ANO1: variants seen among roughly 807,000 people sequenced by gnomAD.
The protein encoded by ANO1 is anoctamin 1, also known as anoctamin-1.
In ANO1, 59 loss-of-function variants were observed where a neutral mutation model predicts 124.0. That is an observed-to-expected ratio of 0.48 (90% CI 0.39 to 0.59). The LOEUF is 0.59. Among genes scored for constraint, ANO1 ranks in the 20% least tolerant of loss-of-function variants. The pLI is 0.00. For synonymous variants in ANO1, 529 were observed against 532.0 expected, an observed-to-expected ratio of 0.99 and a Z score of 0.08; for missense variants, 1,059 against 1,328.0, an observed-to-expected ratio of 0.80 and a Z score of 3.15.
chr11:70,024,330 C>A (rs1591041042), intron 1 of ANO1, among the ~76,000 whole-genome samples: 2 of 152,160 alleles, frequency 1.3e-5, no homozygotes, highest in African/African-American at 4.8e-5. Flanking sequence ...GACACATAGC[C>A]CATAAACCAC....
chr11:70,068,031 G>C (rs1156960831), intron 1 of ANO1, among the ~76,000 whole-genome samples: 2 of 152,210 alleles, frequency 1.3e-5, no homozygotes, highest in African/African-American at 2.4e-5. Context: ...CTGTGGAGGG[G>C]ACACGCTCCT....
At chr11:70,030,815 G>T (rs1856987001) in intron 1 of ANO1, among the ~76,000 whole-genome samples, 1 of 152,206 alleles carries the variant, frequency 6.6e-6, no homozygotes, top group African/African-American at 2.4e-5. Context: ...CCAATATCCA[G>T]TCGATGGCCA....
chr11:70,095,403 AAAGAAAGAAAGAAAGAAAG>A (rs1336751708), intron 2 of ANO1, among the ~76,000 whole-genome samples: 2 of 43,846 alleles, frequency 4.6e-5, no homozygotes, highest in Non-Finnish European at 1.3e-4. Flanking sequence ...AGAAAGAAAG[AAAGAAAGAAAGAAAGAAAG>A]AAAGAAAAGA....
intron 1 of ANO1, among the ~76,000 whole-genome samples, chr11:70,054,597 G>T (rs1857405004): frequency 6.6e-6 from 1 of 152,244 alleles, no homozygotes; most frequent in African/African-American, 2.4e-5. Flanking sequence ...TTGCTAGCTT[G>T]ATTTATAACT....
At chr11:70,155,796 G>A (rs1298453676) in intron 14 of ANO1, 115 bp from the exon 15 acceptor site, 13 of 956,152 alleles carry the variant, frequency 1.4e-5, no homozygotes, top group East Asian at 6.2e-5. Flanking sequence ...CTTACGGCCC[G>A]CACCAGGAGG....
At chr11:69,989,111 A>G (rs1856105044) in intron 1 of ANO1, among the ~76,000 whole-genome samples, 1 of 152,120 alleles carries the variant, frequency 6.6e-6, no homozygotes, top group Non-Finnish European at 1.5e-5. Flanking sequence ...ATCATGTACA[A>G]TCCCCACTCA....
intron 1 of ANO1, among the ~76,000 whole-genome samples, chr11:69,994,230 A>G (rs1192758548): frequency 2.0e-5 from 3 of 151,962 alleles, no homozygotes; most frequent in Non-Finnish European, 4.4e-5. Context: ...AATTAAACCC[A>G]CCATTTTGTT....
intron 16 of ANO1, among the ~76,000 whole-genome samples, chr11:70,159,926 C>T (rs987370082): frequency 6.6e-6 from 1 of 152,234 alleles, no homozygotes; most frequent in African/African-American, 2.4e-5. Flanking sequence ...AGGCATTTTC[C>T]TGGGCAGGGT....
At chr11:69,980,558 TTGCAGTGAGCTGAGATTATACCAC>T in the ANO1 span, among the ~76,000 whole-genome samples, 1 of 151,774 alleles carries the variant, frequency 6.6e-6, no homozygotes, top group Non-Finnish European at 1.5e-5. Flanking sequence ...GAGGCAGAGC[TTGCAGTGAGCTGAGATTATACCAC>T]TGCACTCCAG....
chr11:69,987,217 C>G (rs1463223669), intron 1 of ANO1, among the ~76,000 whole-genome samples: 3 of 152,182 alleles, frequency 2.0e-5, no homozygotes, highest in African/African-American at 4.8e-5. Flanking sequence ...AGTGGGCCAC[C>G]AGGGCCTACT....
chr11:70,008,706 T>C (rs782117587), intron 1 of ANO1, among the ~76,000 whole-genome samples: 2 of 152,100 alleles, frequency 1.3e-5, no homozygotes, highest in Non-Finnish European at 2.9e-5. Context: ...CTCAAACTGC[T>C]TCAATTTTTG....
intron 1 of ANO1, among the ~76,000 whole-genome samples, chr11:70,013,716 C>T (rs1234314031): frequency 7.9e-5 from 12 of 151,772 alleles, no homozygotes; most frequent in Non-Finnish European, 1.2e-4. Flanking sequence ...GCAGGAGAAT[C>T]GTCCAAACTC....
chr11:70,101,670 C>A (rs1281402136), intron 2 of ANO1, among the ~76,000 whole-genome samples: 1 of 149,040 alleles, frequency 6.7e-6, no homozygotes, highest in Non-Finnish European at 1.5e-5. Flanking sequence ...AACCTATGTA[C>A]TTGTGTCAGA....
At chr11:70,115,649 A>G (rs2045947682) in intron 7 of ANO1, among the ~76,000 whole-genome samples, 1 of 151,938 alleles carries the variant, frequency 6.6e-6, no homozygotes, top group Non-Finnish European at 1.5e-5. Flanking sequence ...CAAACAAAAA[A>G]AACTATTAGC....
upstream of ANO1, chr11:70,078,215 C>T (rs1448173595): frequency 6.5e-6 from 1 of 153,216 alleles, no homozygotes; most frequent in Non-Finnish European, 1.5e-5. Flanking sequence ...ACTTTTTCTT[C>T]CTGTGTTTAA....
chr11:70,109,800 G>C (rs1045051570), intron 6 of ANO1, among the ~76,000 whole-genome samples: 39 of 152,158 alleles, frequency 2.6e-4, no homozygotes, highest in Admixed American at 7.9e-4. Flanking sequence ...TTCTCTGCTC[G>C]GGTGGTCCCT....
intron 1 of ANO1, among the ~76,000 whole-genome samples, chr11:70,006,559 T>G (rs375265036): frequency 7.9e-5 from 9 of 114,308 alleles, no homozygotes; most frequent in African/African-American, 2.5e-4. Context: ...CCTTTCTTTC[T>G]TTCTTTTCTT....
intron 1 of ANO1, among the ~76,000 whole-genome samples, chr11:69,990,510 G>T (rs1200203377): frequency 1.3e-5 from 2 of 152,180 alleles, no homozygotes; most frequent in African/African-American, 2.4e-5. Flanking sequence ...TATATACCTA[G>T]AAGTAAAATT....
intron 1 of ANO1, among the ~76,000 whole-genome samples, chr11:70,057,087 G>C (rs1273351035): frequency 1.3e-5 from 2 of 151,306 alleles, no homozygotes; most frequent in African/African-American, 4.9e-5. Flanking sequence ...CTGTTGGTCT[G>C]TTTCTATTGC....
Sources: allele counts gnomAD v4.1 joint callset (sites outside exome capture counted in the v4.1 genomes callset), GRCh38; gene constraint gnomAD v4.1.1; transcripts MANE v1.5; gene names NCBI Gene and HGNC (gene_info 2026-07-23, HGNC 2026-07-21).